CACNG3: variants seen among roughly 807,000 people sequenced by gnomAD.
CACNG3 encodes calcium voltage-gated channel auxiliary subunit gamma 3.
Under a neutral mutation model 28.5 loss-of-function variants are expected in CACNG3, and 3 were observed. The observed-to-expected ratio is 0.11, with a 90% CI of 0.05 to 0.27. The LOEUF is 0.27. Ranked by LOEUF, CACNG3 falls within the 10% of genes least tolerant of loss-of-function variation. The probability of loss-of-function intolerance (pLI) is 1.00; values close to 1 mark genes in which losing one functional copy is unlikely to be tolerated. For missense variants in CACNG3, 236 were observed against 414.4 expected (o/e 0.57, Z 3.74); for synonymous variants, 174 against 162.2 (o/e 1.07, Z -0.55).
At chr16:24,327,774 T>G (rs1445057715) in intron 1 of CACNG3, among the ~76,000 whole-genome samples, 1 of 151,754 alleles carries the variant, frequency 6.6e-6, no homozygotes, top group African/African-American at 2.4e-5. Flanking sequence ...AGACCACATC[T>G]CTACAAAAAA....
At chr16:24,328,806 C>T (rs985428827) in intron 1 of CACNG3, among the ~76,000 whole-genome samples, 7 of 152,160 alleles carry the variant, frequency 4.6e-5, no homozygotes, top group African/African-American at 1.7e-4. Flanking sequence ...GTCACATCCA[C>T]AGGCGGGCAT....
intron 1 of CACNG3, among the ~76,000 whole-genome samples, chr16:24,327,460 ACACAC>A: frequency 8.8e-6 from 1 of 113,376 alleles, no homozygotes. Flanking sequence ...ATATATACAC[ACACAC>A]ACACACACAC....
intron 1 of CACNG3, among the ~76,000 whole-genome samples, chr16:24,345,275 A>G (rs1216479316): frequency 1.3e-5 from 2 of 152,308 alleles, no homozygotes; most frequent in East Asian, 3.9e-4. Context: ...CCAGCTACAC[A>G]GACAGGGAAA....
chr16:24,350,974 C>T (rs901426733), intron 2 of CACNG3, among the ~76,000 whole-genome samples: 3 of 152,208 alleles, frequency 2.0e-5, no homozygotes, highest in African/African-American at 7.2e-5. Flanking sequence ...CACTCACTTA[C>T]AGAACCCCAG....
intron 1 of CACNG3, among the ~76,000 whole-genome samples, chr16:24,336,392 C>T (rs1030674150): frequency 2.0e-5 from 3 of 151,302 alleles, no homozygotes; most frequent in African/African-American, 7.3e-5. Context: ...CGGCCTCAGC[C>T]TCCCGAGTAG....
Position 24,333,285 on chromosome 16 carries a change from G to A in CACNG3, c.212-13449G>A, listed in dbSNP as rs530030253. On this transcript the variant is annotated intron_variant, in intron 1 of 3. Transcript: ENST00000005284. ...GTTAAAGAAGATCAGAAAAAAATCA[G>A]CATGTTTTCCTGAATTATAATTTCA... 9 of 152,248 alleles carry A rather than the reference G, an allele frequency of 5.9e-5. No individual in the cohort carries two copies. The East Asian group carries it at 7.7e-4, about 13-fold the overall frequency. 9.4% of individuals were successfully genotyped at this position (152,248 alleles called of 1,614,324 possible). A position where few individuals can be genotyped will look rare whatever the true frequency, so the allele number is the denominator to read the frequency against.
At chr16:24,307,427 A>G (rs770911169) in intron 1 of CACNG3, among the ~76,000 whole-genome samples, 96 of 152,046 alleles carry the variant, frequency 6.3e-4, no homozygotes, top group Non-Finnish European at 1.1e-3. Flanking sequence ...CAGCTTCCAA[A>G]TGCCATCTTG....
chr16:24,301,475 G>A (rs144060987), intron 1 of CACNG3, among the ~76,000 whole-genome samples: 7 of 152,284 alleles, frequency 4.6e-5, no homozygotes, highest in East Asian at 3.9e-4. Context: ...TCTATGAGGC[G>A]TATGCGGTGT....
chr16:24,261,594 T>C (rs901019258), intron 1 of CACNG3, among the ~76,000 whole-genome samples: 5 of 152,258 alleles, frequency 3.3e-5, no homozygotes, highest in African/African-American at 1.2e-4. Flanking sequence ...TATGAATTTC[T>C]GATGTTTTTA....
intron 1 of CACNG3, among the ~76,000 whole-genome samples, chr16:24,325,291 G>A (rs543903557): frequency 6.6e-6 from 1 of 152,326 alleles, no homozygotes; most frequent in East Asian, 1.9e-4. Flanking sequence ...ATCCATGACA[G>A]CATCTGCTGA....
At chr16:24,298,026 T>G (rs1899056135) in intron 1 of CACNG3, among the ~76,000 whole-genome samples, 1 of 151,746 alleles carries the variant, frequency 6.6e-6, no homozygotes, top group South Asian at 2.1e-4. Context: ...TGTGTGTAAT[T>G]GCTTTTCTTT....
At chr16:24,261,348 G>A (rs544782192) in intron 1 of CACNG3, among the ~76,000 whole-genome samples, 55 of 152,298 alleles carry the variant, frequency 3.6e-4, no homozygotes, top group Non-Finnish European at 6.9e-4. Flanking sequence ...TCATCTGAAG[G>A]ATGACTACTA....
At chr16:24,346,017 T>C (rs1567224063) in intron 1 of CACNG3, among the ~76,000 whole-genome samples, 1 of 152,182 alleles carries the variant, frequency 6.6e-6, no homozygotes. Context: ...CAAGAAAAAT[T>C]CTTAAGCCCT....
At chr16:24,352,976 T>TTTTG (rs753964505) in intron 2 of CACNG3, among the ~76,000 whole-genome samples, 2 of 151,982 alleles carry the variant, frequency 1.3e-5, no homozygotes, top group Non-Finnish European at 2.9e-5. Context: ...TGTTTTTTGT[T>TTTTG]TTTGTTTGTT....
At chr16:24,271,278 G>A (rs2238499) in intron 1 of CACNG3, among the ~76,000 whole-genome samples, 38,261 of 152,004 alleles carry the variant, frequency 0.25, 5,026 homozygotes, top group South Asian at 0.36. Flanking sequence ...TCTATGACTC[G>A]GTGCAGTGAA....
chr16:24,360,132 A>G (rs1900086737), intron 3 of CACNG3, among the ~76,000 whole-genome samples: 1 of 152,168 alleles, frequency 6.6e-6, no homozygotes, highest in Admixed American at 6.5e-5. Context: ...TCCATTTAGC[A>G]CCACCCTACA....
At chr16:24,303,541 C>T (rs946834161) in intron 1 of CACNG3, among the ~76,000 whole-genome samples, 1 of 151,884 alleles carries the variant, frequency 6.6e-6, no homozygotes, top group Non-Finnish European at 1.5e-5. Context: ...TTACTACTCC[C>T]ACCCCCCACC....
At chr16:24,318,180 T>A (rs1899412440) in intron 1 of CACNG3, among the ~76,000 whole-genome samples, 1 of 152,068 alleles carries the variant, frequency 6.6e-6, no homozygotes, top group Admixed American at 6.6e-5. Flanking sequence ...ACTCAGTATA[T>A]CCTTTTGTAT....
chr16:24,297,859 T>A (rs1596632580), intron 1 of CACNG3, among the ~76,000 whole-genome samples: 1 of 151,888 alleles, frequency 6.6e-6, no homozygotes, highest in Middle Eastern at 3.4e-3. Context: ...TTTTTCTGCA[T>A]TTTTTTTAGT....
Sources: gnomAD v4.1 joint callset for allele counts (sites outside exome capture counted in the v4.1 genomes callset) on GRCh38, gnomAD v4.1.1 for gene constraint, MANE v1.5 for transcripts, NCBI Gene and HGNC (gene_info 2026-07-23, HGNC 2026-07-21) for gene names.